Variants in KANSL2 observed in about 807,000 individuals in gnomAD.
KANSL2 encodes the protein NSL complex protein NSL2.
In KANSL2, 34 loss-of-function variants were observed where a neutral mutation model predicts 55.6. The observed-to-expected ratio is 0.61, with a 90% CI of 0.46 to 0.81. The LOEUF (loss-of-function observed/expected upper bound fraction) is 0.81, where lower values mean the gene tolerates loss of function less well. Ranked by LOEUF, KANSL2 falls within the 40% of genes least tolerant of loss-of-function variation. KANSL2 has a pLI of 0.00. For missense variants in KANSL2, 502 were observed against 609.9 expected (o/e 0.82, Z 1.86); for synonymous variants, 209 against 214.3 (o/e 0.98, Z 0.22).
chr12:48,681,282 A>G, intron 2 of KANSL2, 100 bp downstream of exon 2: 1 of 1,393,594 alleles, frequency 7.2e-7, no homozygotes, highest in South Asian at 1.5e-5. Context: ...CCAAATTTAC[A>G]AGGACAAAAT....
chr12:48,658,980 T>C (rs1788737174), intron 8 of KANSL2, among the ~76,000 whole-genome samples: 1 of 152,134 alleles, frequency 6.6e-6, no homozygotes, highest in Non-Finnish European at 1.5e-5. Context: ...TTCCCGCAAG[T>C]AAAATCACCA....
rs890704770 is a variant in KANSL2 at position 48,662,420 on chromosome 12, T to C, written c.974-1801A>G. On this transcript the variant is annotated intron_variant, in intron 7 of 9. Coordinates refer to ENST00000420613, the MANE Select transcript of KANSL2 (RefSeq NM_017822.4). The stretch of plus-strand genomic sequence containing the variant: ...ACGCCTGGCCAAGAACTTTTTTTTA[T>C]TGGAATTCAAAGGACTTTCACAAGT... 8 of 935,648 alleles carry C rather than the reference T, an allele frequency of 8.6e-6. No homozygotes were observed. In the Admixed American group the frequency reaches 1.6e-4, roughly 19 times the overall value. The allele number at this position is 935,648 out of a possible 1,614,324, so 58.0% of individuals were successfully genotyped here.
intron 6 of KANSL2, among the ~76,000 whole-genome samples, 170 bp from the exon 7 acceptor site, chr12:48,667,959 TAAAG>T (rs773694553): frequency 4.2e-4 from 64 of 152,322 alleles, no homozygotes; most frequent in South Asian, 6.2e-4. Flanking sequence ...ACCTAGTGCA[TAAAG>T]AATGAGTCAA....
rs761508134 is a variant in KANSL2, at chr12:48,679,767, G to C, written c.318C>G (p.Thr106=). 1 of 1,609,218 alleles carries C rather than the reference G, an allele frequency of 6.2e-7. No individual in the cohort carries two copies. Among genetic ancestry groups the C allele is most frequent in the South Asian group, 1.1e-5 (1 of 89,990 alleles). ...GTGTTTCACCCACAGGCCCTGGGTT[G>C]GTCTTCTTCATTTGAGCATGAAGTG... ...ALALHAQMKK[T]NPGPVGETLL... Residue 106 remains threonine (T), a synonymous_variant, in exon 3 of 10, where the codon ACC becomes ACG. Coordinates refer to ENST00000420613, the MANE Select transcript of KANSL2 (RefSeq NM_017822.4).
rs776422865 is a variant in KANSL2 at position 48,681,364 on chromosome 12, A to C, written c.251+18T>G. The C allele has an allele frequency of 2.5e-6, 4 of 1,587,936 alleles. No individual in the cohort carries two copies. The Admixed American group carries it at 7.2e-5, about 29-fold the overall frequency. On this transcript the variant is annotated intron_variant, in intron 2 of 9. Coordinates refer to ENST00000420613, the MANE Select transcript of KANSL2 (RefSeq NM_017822.4). ...CCTCGCTTTAAGAAAAACGACATAT[A>C]TATCTATACATATATACCCATCTTT...
intron 8 of KANSL2, among the ~76,000 whole-genome samples, chr12:48,657,591 T>C (rs1036354754): frequency 1.3e-5 from 2 of 150,086 alleles, no homozygotes; most frequent in East Asian, 3.9e-4. Context: ...CCCATTCTTT[T>C]ACTATGTGCA....
At chr12:48,681,059 T>C (rs985747757) in intron 2 of KANSL2, among the ~76,000 whole-genome samples, 5 of 142,250 alleles carry the variant, frequency 3.5e-5, no homozygotes, top group Admixed American at 2.3e-4. Flanking sequence ...GATGGGAGGA[T>C]ACCTTGAGGC....
chr12:48,680,364 T>C (rs1939899183), intron 2 of KANSL2, among the ~76,000 whole-genome samples: 1 of 152,112 alleles, frequency 6.6e-6, no homozygotes, highest in African/African-American at 2.4e-5. Flanking sequence ...GCGAGTTTTT[T>C]AATCTTCTGT....
chr12:48,671,661 G>A lies in KANSL2; in HGVS notation c.709+138C>T, dbSNP rs958248787. ...TGCAGGCTATACCACCTACGTTAGC[G>A]TGAGTCACTCCATGAAGTTTGAATG... is the stretch of plus-strand genomic sequence containing the variant. On this transcript the variant is annotated intron_variant, in intron 5 of 9. Coordinates refer to ENST00000420613, the MANE Select transcript of KANSL2 (RefSeq NM_017822.4). 20 of 847,740 alleles carry A rather than the reference G, an allele frequency of 2.4e-5. No homozygotes were observed. In the South Asian group the frequency reaches 2.5e-4, roughly 11 times the overall value. The allele number at this position is 847,740 out of a possible 1,614,324, so 52.5% of individuals were successfully genotyped here.
chr12:48,681,154 A>T, intron 2 of KANSL2: 1 of 409,734 alleles, frequency 2.4e-6, no homozygotes. Context: ...CTAATTTAGA[A>T]TATGCCTTTA....
intron 4 of KANSL2, among the ~76,000 whole-genome samples, chr12:48,673,467 G>A (rs1368993221): frequency 6.6e-6 from 1 of 151,958 alleles, no homozygotes; most frequent in East Asian, 1.9e-4. Flanking sequence ...GGCTGGGGCA[G>A]GAGAATTGCT....
chr12:48,678,227 A>G (rs1020549545), intron 4 of KANSL2, among the ~76,000 whole-genome samples: 2 of 152,338 alleles, frequency 1.3e-5, no homozygotes, highest in Non-Finnish European at 2.9e-5. Context: ...GTCAGCAGGC[A>G]AACATTTTTA....
At chr12:48,667,406 C>A in intron 7 of KANSL2, 1 of 415,358 alleles carries the variant, frequency 2.4e-6, no homozygotes, top group East Asian at 5.1e-5. Context: ...ATTTTGGGAC[C>A]CAAGTATTAA....
At chr12:48,670,083 C>T in intron 5 of KANSL2, among the ~76,000 whole-genome samples, 1 of 151,932 alleles carries the variant, frequency 6.6e-6, no homozygotes, top group South Asian at 2.1e-4. Flanking sequence ...CGCCTATAGT[C>T]CCAGTTACTC....
chr12:48,654,744 G>A (rs1393394833), intron 9 of KANSL2, among the ~76,000 whole-genome samples, 197 bp downstream of exon 9: 1 of 152,110 alleles, frequency 6.6e-6, no homozygotes, highest in Non-Finnish European at 1.5e-5. Flanking sequence ...CAGCAACAAG[G>A]GTACACAGGA....
In KANSL2 at chr12:48,679,796, G is replaced by C; in HGVS notation, c.289C>G (p.Leu97Val). ...TTCTTCATTTGAGCATGAAGTGCCA[G>C]GGCATTCCTACGGACATGTTCAGCA... ...FCAEHVRRNA[L>V]ALHAQMKKTN... Residue 97 changes from leucine to valine, a missense_variant, in exon 3 of 10, where the codon CTG becomes GTG. Coordinates refer to ENST00000420613, the MANE Select transcript of KANSL2 (RefSeq NM_017822.4). The C allele has an allele frequency of 6.2e-7, 1 of 1,607,490 alleles. No homozygotes were observed. The highest frequency in any genetic ancestry group is 1.1e-5 in the South Asian group (1 of 89,864).
chr12:48,672,538 C>T (rs1366801451), intron 4 of KANSL2, among the ~76,000 whole-genome samples: 1 of 149,786 alleles, frequency 6.7e-6, no homozygotes, highest in Non-Finnish European at 1.5e-5. Flanking sequence ...TCAAGCGATC[C>T]TCCCACGTCA....
At chr12:48,659,046 C>A (rs1939442486) in intron 8 of KANSL2, among the ~76,000 whole-genome samples, 1 of 152,176 alleles carries the variant, frequency 6.6e-6, no homozygotes, top group Admixed American at 6.5e-5. Flanking sequence ...ATAATCCCAG[C>A]ACTTTGGGAG....
rs371659165 is a variant in KANSL2 at position 48,681,507 on chromosome 12, C to T, written c.126G>A (p.Gly42=). 9.3e-6 allele frequency: 15 copies of T among 1,613,980 alleles called. No homozygotes were observed. The highest frequency in any genetic ancestry group is 1.3e-5 in the Non-Finnish European group (15 of 1,179,890). The change falls in exon 2 of 10, where the codon GGG becomes GGA. Residue 42 remains glycine, a synonymous_variant. Coordinates refer to ENST00000420613, the MANE Select transcript of KANSL2 (RefSeq NM_017822.4). ...GGATATGCTTAATGCAAAACTCCTG[C>T]CCCTCCAGACGAGGGTGAGAGCATG... ...HRPCSHPRLE[G]QEFCIKHILE...
Sources: allele counts gnomAD v4.1 joint callset (sites outside exome capture counted in the v4.1 genomes callset), GRCh38; gene constraint gnomAD v4.1.1; transcripts MANE v1.5; gene names NCBI Gene and HGNC (gene_info 2026-07-23, HGNC 2026-07-21).